SMG7: variants seen among roughly 807,000 people sequenced by gnomAD.
SMG7 encodes the protein SMG7 nonsense mediated mRNA decay factor.
A neutral mutation model predicts 148.2 loss-of-function variants in SMG7; 34 were observed. That is an observed-to-expected ratio of 0.23 (90% CI 0.17 to 0.31). The LOEUF (loss-of-function observed/expected upper bound fraction) is 0.31, where lower values mean the gene tolerates loss of function less well. Among genes scored for constraint, SMG7 ranks in the 10% least tolerant of loss-of-function variants. The pLI is 1.00. For missense variants in SMG7, 1,114 were observed against 1,408.4 expected (o/e 0.79, Z 3.35); for synonymous variants, 492 against 515.1 (o/e 0.96, Z 0.61).
intron 10 of SMG7, among the ~76,000 whole-genome samples, chr1:183,535,952 A>G (rs1667694752): frequency 6.6e-6 from 1 of 151,952 alleles, no homozygotes; most frequent in African/African-American, 2.4e-5. Context: ...ATATTTGTTT[A>G]TATATTTTTA....
Position 183,486,597 on chromosome 1 carries a change from G to A in SMG7, c.29+13948G>A, listed in dbSNP as rs146340334. Among the ~76,000 whole-genome samples, 842 of 152,132 alleles carry A rather than the reference G, an allele frequency of 5.5e-3. 11 individuals carry two copies. Among genetic ancestry groups the A allele is most frequent in the African/African-American group, 0.019 (801 of 41,466 alleles). ...GGCCGATTTTTGTGTTTTTAGTAGA[G>A]ATGGGGTGTCACCATGTTGGTCAGG... On this transcript the variant is annotated intron_variant, in intron 1 of 22. Coordinates refer to ENST00000688051, the MANE Select transcript of SMG7 (RefSeq NM_001375584.1).
At chr1:183,479,694 G>GTTA (rs1653594630) in intron 1 of SMG7, among the ~76,000 whole-genome samples, 1 of 152,176 alleles carries the variant, frequency 6.6e-6, no homozygotes, top group Non-Finnish European at 1.5e-5. Flanking sequence ...AATTACCGGG[G>GTTA]TTATGCCTTT....
At chr1:183,537,064 T>G (rs1223250894) in intron 10 of SMG7, 81 bp from the exon 11 acceptor site, 1 of 960,732 alleles carries the variant, frequency 1.0e-6, no homozygotes, top group African/African-American at 1.6e-5. Flanking sequence ...CCAGGACCTA[T>G]AGATACCATT....
At chr1:183,502,414 T>A in intron 1 of SMG7, 1 of 1,514,470 alleles carries the variant, frequency 6.6e-7, no homozygotes, top group South Asian at 1.2e-5. Flanking sequence ...TTACAAGGGA[T>A]TTCTACATGT....
chr1:183,494,686 A>T, intron 1 of SMG7, among the ~76,000 whole-genome samples: 1 of 129,208 alleles, frequency 7.7e-6, no homozygotes, highest in Admixed American at 7.7e-5. Context: ...TTTCCCTAGT[A>T]TTTTAAAGAT....
intron 1 of SMG7, among the ~76,000 whole-genome samples, chr1:183,490,483 G>A (rs1266418600): frequency 6.6e-6 from 1 of 152,058 alleles, no homozygotes; most frequent in Non-Finnish European, 1.5e-5. Flanking sequence ...ATAGGAGACT[G>A]ATATTTTAAT....
Position 183,515,904 on chromosome 1 carries a change from C to T in SMG7, c.92C>T (p.Thr31Ile), listed in dbSNP as rs1298750430. The change falls in exon 3 of 23, where the codon ACA becomes ATA. Residue 31 changes from threonine to isoleucine, a missense_variant. Coordinates refer to ENST00000688051, the MANE Select transcript of SMG7 (RefSeq NM_001375584.1). ...DSKLGPAEVW[T>I]SRQALQDLYQ... ...AAGCTGGGTCCAGCTGAAGTCTGGA[C>T]ATCCAGGCAGGCTCTGCAGGACCTG... 6.2e-7 allele frequency: 1 copy of T among 1,612,712 alleles called. No homozygotes were observed. The highest frequency in any genetic ancestry group is 1.3e-5 in the African/African-American group (1 of 74,806).
intron 8 of SMG7, among the ~76,000 whole-genome samples, chr1:183,531,814 A>G (rs558994603): frequency 2.0e-5 from 3 of 152,280 alleles, no homozygotes; most frequent in Admixed American, 2.0e-4. Context: ...GAGAAATACA[A>G]CTACATATTC....
intron 18 of SMG7, chr1:183,548,970 G>A (rs1461461706): frequency 2.1e-5 from 11 of 530,574 alleles, no homozygotes; most frequent in Non-Finnish European, 3.4e-5. Flanking sequence ...TCTGGTCCCT[G>A]CCAGAATATA....
chr1:183,478,195 T>C (rs951321196), intron 1 of SMG7, among the ~76,000 whole-genome samples: 1 of 152,138 alleles, frequency 6.6e-6, no homozygotes, highest in Admixed American at 6.5e-5. Flanking sequence ...CACTGTATCC[T>C]GAAGCTTCTA....
At position 183,546,083 on chromosome 1, in the gene SMG7, C is replaced by T; in HGVS notation, c.2488C>T (p.Leu830=). The T allele has an allele frequency of 6.2e-7, 1 of 1,614,022 alleles. No homozygotes were observed. ...YYLQTQDPIK[L]FEPSLQPPVM... ...CCTTCAGACCCAAGACCCCATAAAA[C>T]TGTTTGAGCCGTCATTGCAACCTCC... The change falls in exon 17 of 23, where the codon CTG becomes TTG. Residue 830 remains leucine (L), a synonymous_variant. Coordinates refer to ENST00000688051, the MANE Select transcript of SMG7 (RefSeq NM_001375584.1).
intron 1 of SMG7, among the ~76,000 whole-genome samples, chr1:183,488,638 T>A (rs1480901229): frequency 2.0e-5 from 3 of 152,078 alleles, no homozygotes; most frequent in Admixed American, 1.3e-4. Context: ...GTAGCATCTT[T>A]ACTGTACAAG....
intron 4 of SMG7, among the ~76,000 whole-genome samples, chr1:183,523,515 A>T (rs1408170282): frequency 1.3e-5 from 2 of 152,240 alleles, no homozygotes; most frequent in African/African-American, 2.4e-5. Context: ...TAATGAAGTA[A>T]CTAAGTTCTT....
Position 183,547,088 on chromosome 1 carries a change from G to A in SMG7, c.2743-15G>A. On this transcript the variant is annotated splice_polypyrimidine_tract_variant and intron_variant, in intron 17 of 22. Coordinates refer to ENST00000688051, the MANE Select transcript of SMG7 (RefSeq NM_001375584.1). ...ATCCCTTATTGCTTCTCACTGTGAT[G>A]CTTTCTGTCACTAGGACCCCAAGAG... 1.3e-6 allele frequency: 2 copies of A among 1,546,378 alleles called. No homozygotes were observed. The highest frequency in any genetic ancestry group is 1.7e-6 in the Non-Finnish European group (2 of 1,145,338).
At chr1:183,475,039 A>T (rs887620859) in intron 1 of SMG7, among the ~76,000 whole-genome samples, 1 of 152,218 alleles carries the variant, frequency 6.6e-6, no homozygotes, top group Non-Finnish European at 1.5e-5. Context: ...CACATGAGGA[A>T]TGTAAGCCCA....
At chr1:183,506,824 T>G (rs184465770) in intron 1 of SMG7, among the ~76,000 whole-genome samples, 42 of 151,822 alleles carry the variant, frequency 2.8e-4, no homozygotes, top group African/African-American at 9.6e-4. Flanking sequence ...TTATGTGCCC[T>G]GATTTGGAAA....
intron 1 of SMG7, among the ~76,000 whole-genome samples, chr1:183,492,025 C>T (rs1039628424): frequency 3.3e-5 from 5 of 152,226 alleles, no homozygotes; most frequent in African/African-American, 1.2e-4. Context: ...ATAGTCTGAT[C>T]ACCTCCTAAA....
At chr1:183,480,675 C>T (rs958689540) in intron 1 of SMG7, among the ~76,000 whole-genome samples, 16 of 152,112 alleles carry the variant, frequency 1.1e-4, no homozygotes, top group African/African-American at 3.9e-4. Context: ...ACTCAATTAC[C>T]AAATAGTTCA....
In SMG7 at chr1:183,547,128, C is replaced by G; in HGVS notation, c.2768C>G (p.Pro923Arg). 1 of 1,550,496 alleles carries G rather than the reference C, an allele frequency of 6.4e-7. No homozygotes were observed. Among genetic ancestry groups the G allele is most frequent in the Non-Finnish European group, 8.7e-7 (1 of 1,146,876 alleles). ...FEDPKSSPLL[P>R]PDLLKSLAAL... Reference sequence around the variant, plus strand: ...GACCCCAAGAGCTCCCCTCTGCTTCCTCCGGACCTGTTAAAGAGTCTGGCT... The same window carrying G: ...GACCCCAAGAGCTCCCCTCTGCTTCGTCCGGACCTGTTAAAGAGTCTGGCT... Residue 923 changes from proline (P) to arginine (R), a missense_variant, in exon 18 of 23, where the codon CCT becomes CGT. Transcript: ENST00000688051.
Sources: allele counts gnomAD v4.1 joint callset (sites outside exome capture counted in the v4.1 genomes callset), GRCh38; gene constraint gnomAD v4.1.1; transcripts MANE v1.5; gene names NCBI Gene and HGNC (gene_info 2026-07-23, HGNC 2026-07-21).